PSD3: variants seen among roughly 807,000 people sequenced by gnomAD.
PSD3 encodes the protein pleckstrin and Sec7 domain containing 3.
A neutral mutation model predicts 105.5 loss-of-function variants in PSD3; 49 were observed. That is an observed-to-expected ratio of 0.46 (90% CI 0.37 to 0.59). The LOEUF is 0.59. PSD3 is among the 20% of genes least tolerant of loss of function. The pLI is 0.00. For missense variants in PSD3, 1,561 were observed against 1,263.8 expected (o/e 1.24, Z -3.57); for synonymous variants, 557 against 457.8 (o/e 1.22, Z -2.77).
rs1346904944 is a variant in PSD3 at position 19,067,219 on chromosome 8, GTAATAGTAAC to G, written c.324+16977_324+16986del. Among the ~76,000 whole-genome samples the G allele has an allele frequency of 3.9e-5, 6 of 152,190 alleles. No individual in the cohort carries two copies. The East Asian group carries it at 1.2e-3, about 29-fold the overall frequency. On this transcript the variant is annotated intron_variant, in intron 1 of 1. Coordinates refer to the PSD3 transcript ENST00000521475. ...AGACAAGTCAGAGGAAAATATGATA[GTAATAGTAAC>G]TAATAGTAACTACAGTAGTGCTACC...
intron 10 of PSD3, among the ~76,000 whole-genome samples, chr8:18,649,530 CT>C (rs1435704941): frequency 6.6e-6 from 1 of 152,120 alleles, no homozygotes. Flanking sequence ...GCACAAGGGA[CT>C]AGGCTTGTCT....
intron 4 of PSD3, among the ~76,000 whole-genome samples, chr8:18,840,482 G>A (rs186552806): frequency 5.9e-5 from 9 of 151,972 alleles, no homozygotes; most frequent in African/African-American, 2.2e-4. Context: ...AAAGCATTCA[G>A]ACAAAAACGA....
At chr8:18,540,833 A>C (rs1468823544) in intron 15 of PSD3, among the ~76,000 whole-genome samples, 19 of 152,120 alleles carry the variant, frequency 1.2e-4, no homozygotes, top group African/African-American at 4.6e-4. Flanking sequence ...AGGAATCCTT[A>C]AAATGCCCTA....
intron 11 of PSD3, among the ~76,000 whole-genome samples, chr8:18,619,798 A>T (rs1805972126): frequency 6.6e-6 from 1 of 152,218 alleles, no homozygotes; most frequent in Non-Finnish European, 1.5e-5. Flanking sequence ...ATGACAGCAG[A>T]CCCTGAAAGC....
chr8:18,639,464 C>T (rs373916831), intron 10 of PSD3, among the ~76,000 whole-genome samples: 4 of 152,074 alleles, frequency 2.6e-5, no homozygotes, highest in Non-Finnish European at 2.9e-5. Context: ...TCAGTCCCCA[C>T]AAGAGAAATT....
In PSD3 at chr8:18,982,488, A is replaced by T. The variant is rs1337206589; in HGVS notation, c.21+31075T>A. ...CTTTCAATTGACTTTGCCCACATCC[A>T]TCAGATAAATTACTATCTATAGCAG... On this transcript the variant is annotated intron_variant, in intron 1 of 15. Coordinates refer to ENST00000327040, the MANE Select transcript of PSD3 (RefSeq NM_015310.4). Among the ~76,000 whole-genome samples the T allele has an allele frequency of 2.0e-5, 3 of 152,206 alleles. No homozygotes were observed. In the East Asian group the frequency reaches 5.8e-4, roughly 29 times the overall value.
intron 12 of PSD3, among the ~76,000 whole-genome samples, chr8:18,590,301 T>C (rs1052206522): frequency 1.3e-4 from 20 of 152,192 alleles, no homozygotes; most frequent in Non-Finnish European, 2.6e-4. Flanking sequence ...GGGGTCGCCA[T>C]CTGATTCAGT....
intron 10 of PSD3, among the ~76,000 whole-genome samples, chr8:18,649,035 G>C (rs1234186870): frequency 6.6e-6 from 1 of 152,244 alleles, no homozygotes; most frequent in Non-Finnish European, 1.5e-5. Flanking sequence ...CCCTCTTGGA[G>C]AACCTTTACT....
chr8:18,959,344 A>T (rs1475575535), intron 1 of PSD3, among the ~76,000 whole-genome samples: 3 of 152,140 alleles, frequency 2.0e-5, no homozygotes, highest in Admixed American at 2.0e-4. Flanking sequence ...CATGAATTCC[A>T]ACTGAAAAAG....
chr8:18,916,890 A>G (rs1820653878), intron 2 of PSD3, among the ~76,000 whole-genome samples: 1 of 152,110 alleles, frequency 6.6e-6, no homozygotes, highest in African/African-American at 2.4e-5. Flanking sequence ...AGGAAATGAA[A>G]AAAAAGGAAA....
intron 1 of PSD3, among the ~76,000 whole-genome samples, chr8:18,981,412 T>C (rs1468442011): frequency 1.3e-5 from 2 of 152,178 alleles, no homozygotes; most frequent in Non-Finnish European, 2.9e-5. Context: ...ATTCTATCAC[T>C]TACTAGTGGG....
chr8:18,807,044 T>C (rs1318873045), intron 4 of PSD3, among the ~76,000 whole-genome samples: 1 of 152,174 alleles, frequency 6.6e-6, no homozygotes, highest in Non-Finnish European at 1.5e-5. Flanking sequence ...TTCAATTATC[T>C]CAATGGTGTT....
At chr8:18,820,595 G>C (rs1290114893) in intron 4 of PSD3, among the ~76,000 whole-genome samples, 1 of 151,916 alleles carries the variant, frequency 6.6e-6, no homozygotes, top group African/African-American at 2.4e-5. Flanking sequence ...TTATTGTTTG[G>C]GGAATAATGA....
intron 11 of PSD3, among the ~76,000 whole-genome samples, chr8:18,614,238 CAA>C (rs1805484529): frequency 6.6e-6 from 1 of 152,042 alleles, no homozygotes; most frequent in African/African-American, 2.4e-5. Context: ...TAACTTATCA[CAA>C]AGTTTTTATT....
At chr8:18,951,490 C>A (rs566693527) in intron 1 of PSD3, among the ~76,000 whole-genome samples, 50 of 152,252 alleles carry the variant, frequency 3.3e-4, no homozygotes, top group Non-Finnish European at 5.9e-4. Context: ...GGGCCACAGC[C>A]ACCATTCCTA....
At chr8:18,722,184 C>T (rs1398079067) in intron 9 of PSD3, among the ~76,000 whole-genome samples, 1 of 151,786 alleles carries the variant, frequency 6.6e-6, no homozygotes, top group Non-Finnish European at 1.5e-5. Flanking sequence ...TTTAACTTTA[C>T]TACCCACAAG....
chr8:18,539,053 T>C (rs767834540), intron 15 of PSD3, among the ~76,000 whole-genome samples: 7 of 152,348 alleles, frequency 4.6e-5, no homozygotes, highest in Non-Finnish European at 7.3e-5. Flanking sequence ...CCCAGAAATG[T>C]AGCTTTGCAT....
At chr8:18,629,791 T>A (rs1476670966) in intron 11 of PSD3, among the ~76,000 whole-genome samples, 4 of 152,020 alleles carry the variant, frequency 2.6e-5, no homozygotes, top group Non-Finnish European at 5.9e-5. Context: ...TGTTGATGAT[T>A]ATATAACTAT....
chr8:18,877,380 T>C (rs1005020862), intron 2 of PSD3, among the ~76,000 whole-genome samples: 3 of 152,178 alleles, frequency 2.0e-5, no homozygotes, highest in African/African-American at 7.2e-5. Flanking sequence ...TTATTTTGTA[T>C]GTGGATATCC....
Sources: gnomAD v4.1 joint callset for allele counts (sites outside exome capture counted in the v4.1 genomes callset) on GRCh38, gnomAD v4.1.1 for gene constraint, MANE v1.5 for transcripts, NCBI Gene and HGNC (gene_info 2026-07-23, HGNC 2026-07-21) for gene names.